The following NDST3 variants were observed in gnomAD, a reference collection of about 807,000 sequenced individuals.
NDST3 encodes the protein N-deacetylase and N-sulfotransferase 3, also known as bifunctional heparan sulfate N-deacetylase/N-sulfotransferase 3.
A neutral mutation model predicts 96.1 loss-of-function variants in NDST3; 58 were observed. The ratio of observed to expected loss-of-function variants is 0.60; its 90% confidence interval spans 0.49 to 0.75. The LOEUF is 0.75. Among genes scored for constraint, NDST3 ranks in the 30% least tolerant of loss-of-function variants. The probability of loss-of-function intolerance (pLI) is 0.00; values close to 1 mark genes in which losing one functional copy is unlikely to be tolerated. For missense variants in NDST3, 788 were observed against 1,034.2 expected (o/e 0.76, Z 3.27); for synonymous variants, 333 against 359.7 (o/e 0.93, Z 0.84).
At chr4:118,135,396 T>G (rs1732992814) in intron 4 of NDST3, among the ~76,000 whole-genome samples, 1 of 152,176 alleles carries the variant, frequency 6.6e-6, no homozygotes, top group Non-Finnish European at 1.5e-5. Context: ...AGTTTCATAA[T>G]TTCCACATTA....
intron 9 of NDST3, among the ~76,000 whole-genome samples, chr4:118,236,634 C>T (rs1389203615): frequency 6.6e-6 from 1 of 152,250 alleles, no homozygotes; most frequent in East Asian, 1.9e-4. Flanking sequence ...AAAATATTTT[C>T]TCTAAATCCT....
At chr4:118,067,988 T>A (rs747671938) in intron 2 of NDST3, among the ~76,000 whole-genome samples, 4 of 151,962 alleles carry the variant, frequency 2.6e-5, no homozygotes, top group Non-Finnish European at 5.9e-5. Flanking sequence ...TGCAACATCC[T>A]CAAAAGCAAG....
rs1341690808 is a variant in NDST3, at chr4:118,180,421, G to A, written c.1539+36737G>A. On this transcript the variant is annotated intron_variant, in intron 6 of 13. Transcript: ENST00000296499. ...AGCCTCCAGCTGCATCTATGTTGCT[G>A]CAAAGGATATGATTTCATTGCTTTC... 2.6e-5 allele frequency among the ~76,000 whole-genome samples: 4 copies of A among 152,116 alleles called. No homozygotes were observed. In the East Asian group the frequency reaches 7.7e-4, roughly 29 times the overall value.
At chr4:118,070,006 T>C (rs1431893513) in intron 2 of NDST3, among the ~76,000 whole-genome samples, 1 of 152,134 alleles carries the variant, frequency 6.6e-6, no homozygotes, top group Admixed American at 6.6e-5. Flanking sequence ...TTGTAGCACC[T>C]GGTACAGTGT....
intron 2 of NDST3, among the ~76,000 whole-genome samples, chr4:118,070,895 G>A (rs1206724973): frequency 6.6e-6 from 1 of 151,924 alleles, no homozygotes; most frequent in Admixed American, 6.6e-5. Flanking sequence ...AGAACATAAG[G>A]TGTTTGGTTT....
intron 6 of NDST3, among the ~76,000 whole-genome samples, chr4:118,175,958 G>A (rs919515523): frequency 3.9e-5 from 6 of 152,006 alleles, no homozygotes; most frequent in Admixed American, 3.9e-4. Flanking sequence ...TAGCTGGTCT[G>A]TGCTATCCTT....
chr4:118,035,587 A>C (rs1208825179), intron 1 of NDST3, among the ~76,000 whole-genome samples: 1 of 151,854 alleles, frequency 6.6e-6, no homozygotes, highest in Non-Finnish European at 1.5e-5. Flanking sequence ...CTTCATCCAT[A>C]CCTTCCTATC....
rs1742143307 is a variant in NDST3, at chr4:118,256,734, A to G, written c.*1022A>G. The G allele has an allele frequency of 1.3e-5, 2 of 152,242 alleles. No individual in the cohort carries two copies. 9.4% of individuals were successfully genotyped at this position (152,242 alleles called of 1,614,324 possible). On this transcript the variant is annotated 3_prime_UTR_variant, in exon 14 of 14. Coordinates refer to ENST00000296499, the MANE Select transcript of NDST3 (RefSeq NM_004784.3). ...AACTAAAACTAAAAACAGTTTCCCT[A>G]GATGATGTGGTTAGGCTATTTACAT...
At chr4:118,227,572 A>AT (rs995546143) in intron 8 of NDST3, among the ~76,000 whole-genome samples, 1 of 146,998 alleles carries the variant, frequency 6.8e-6, no homozygotes, top group Non-Finnish European at 1.5e-5. Flanking sequence ...TTGATGTGCA[A>AT]TTTTTTTCAC....
At chr4:118,193,907 T>C in intron 6 of NDST3, 1 of 977,572 alleles carries the variant, frequency 1.0e-6, no homozygotes, top group African/African-American at 1.6e-5. Context: ...CCTCTTATAT[T>C]ATAGTAAAGC....
intron 6 of NDST3, among the ~76,000 whole-genome samples, chr4:118,180,419 C>T (rs1009035632): frequency 1.3e-5 from 2 of 152,138 alleles, no homozygotes; most frequent in African/African-American, 2.4e-5. Flanking sequence ...ATCTATGTTG[C>T]TGCAAAGGAT....
intron 2 of NDST3, among the ~76,000 whole-genome samples, chr4:118,056,148 AT>A (rs556561591): frequency 8.6e-5 from 13 of 151,842 alleles, no homozygotes; most frequent in South Asian, 6.2e-4. Context: ...TAATTCTTCC[AT>A]TTTTTTTCCA....
chr4:118,130,694 C>T (rs1732538764), intron 4 of NDST3, among the ~76,000 whole-genome samples: 1 of 152,114 alleles, frequency 6.6e-6, no homozygotes, highest in Admixed American at 6.5e-5. Context: ...TCTTCTTGCT[C>T]ATTAATATCA....
intron 2 of NDST3, among the ~76,000 whole-genome samples, chr4:118,097,336 T>C (rs542292071): frequency 1.3e-5 from 2 of 152,080 alleles, no homozygotes; most frequent in Admixed American, 6.6e-5. Flanking sequence ...TATGAAATCA[T>C]TGATTAGCTG....
intron 4 of NDST3, among the ~76,000 whole-genome samples, chr4:118,133,098 G>C (rs555258267): frequency 1.1e-3 from 161 of 152,264 alleles, no homozygotes; most frequent in Non-Finnish European, 1.9e-3. Flanking sequence ...TGCCACCCTA[G>C]TCCACTGGCT....
chr4:118,168,566 G>A (rs1364047023), intron 6 of NDST3, among the ~76,000 whole-genome samples: 1 of 151,900 alleles, frequency 6.6e-6, no homozygotes, highest in African/African-American at 2.4e-5. Context: ...AACTATGGAG[G>A]TTCCTCAAAA....
At chr4:118,166,830 T>C (rs1300748590) in intron 6 of NDST3, among the ~76,000 whole-genome samples, 1 of 151,936 alleles carries the variant, frequency 6.6e-6, no homozygotes, top group Non-Finnish European at 1.5e-5. Flanking sequence ...AGAAAAATTG[T>C]TTGACAAAAT....
intron 6 of NDST3, among the ~76,000 whole-genome samples, chr4:118,166,089 A>G (rs1160636608): frequency 1.3e-5 from 2 of 151,814 alleles, no homozygotes; most frequent in Non-Finnish European, 3.0e-5. Flanking sequence ...TAAATGAAAT[A>G]GAAAATATAA....
At chr4:118,176,257 T>C (rs1018116432) in intron 6 of NDST3, among the ~76,000 whole-genome samples, 2 of 151,252 alleles carry the variant, frequency 1.3e-5, no homozygotes, top group African/African-American at 4.9e-5. Flanking sequence ...ACTTAAAATT[T>C]AAAAAAAAAC....
Sources: allele counts gnomAD v4.1 joint callset (sites outside exome capture counted in the v4.1 genomes callset), GRCh38; gene constraint gnomAD v4.1.1; transcripts MANE v1.5; gene names NCBI Gene and HGNC (gene_info 2026-07-23, HGNC 2026-07-21).